Variants in SLC26A3 observed in about 807,000 individuals in gnomAD.
SLC26A3 encodes chloride anion exchanger.
A neutral mutation model predicts 85.6 loss-of-function variants in SLC26A3; 64 were observed. The observed-to-expected ratio is 0.75, with a 90% CI of 0.61 to 0.92. The LOEUF (loss-of-function observed/expected upper bound fraction) is 0.92, where lower values mean the gene tolerates loss of function less well. Ranked by LOEUF, SLC26A3 falls within the 40% of genes least tolerant of loss-of-function variation. The pLI, the probability that SLC26A3 is intolerant of heterozygous loss-of-function variation, is 0.00. For synonymous variants in SLC26A3, 349 were observed against 336.0 expected (o/e 1.04, Z -0.42); for missense variants, 922 against 927.3 (o/e 0.99, Z 0.07).
At chr7:107,767,973 G>A (rs1793944649) in intron 18 of SLC26A3, 65 bp from the exon 19 acceptor site, 4 of 1,494,970 alleles carry the variant, frequency 2.7e-6, no homozygotes, top group Non-Finnish European at 3.7e-6. Flanking sequence ...TTCCCCTTGA[G>A]GCTAGTAATT....
At chr7:107,789,433 C>A in intron 6 of SLC26A3, 91 bp downstream of exon 6, 2 of 1,310,396 alleles carry the variant, frequency 1.5e-6, no homozygotes, top group Non-Finnish European at 2.2e-6. Flanking sequence ...GTAGGTAAAC[C>A]CCATGGCAAA....
intron 5 of SLC26A3, 59 bp from the exon 6 acceptor site, chr7:107,789,747 A>C: frequency 3.3e-6 from 5 of 1,515,444 alleles, no homozygotes; most frequent in Non-Finnish European, 4.5e-6. Context: ...CAGCAAACTC[A>C]AGGATCCGCA....
At chr7:107,793,023 T>C (rs1794428517) in intron 3 of SLC26A3, among the ~76,000 whole-genome samples, 1 of 152,088 alleles carries the variant, frequency 6.6e-6, no homozygotes, top group Admixed American at 6.5e-5. Context: ...GAAATGCAAA[T>C]GCAAACCACA....
chr7:107,790,932 A>G (rs190072454), intron 5 of SLC26A3, 116 bp downstream of exon 5: 5 of 1,088,786 alleles, frequency 4.6e-6, no homozygotes, highest in Non-Finnish European at 5.5e-6. Context: ...GCCATGAGGG[A>G]GAGACAAACC....
chr7:107,791,952 C>A lies in SLC26A3; in HGVS notation c.272-12G>T, dbSNP rs1387511490. ...AGCAAATGCTAAACCTGTAAACACA[C>A]AAGCAGCAGAGCCCTTACTCTGTGC... On this transcript the variant is annotated splice_polypyrimidine_tract_variant and intron_variant, in intron 3 of 20. Coordinates refer to ENST00000340010, the MANE Select transcript of SLC26A3 (RefSeq NM_000111.3). 1 of 1,489,502 alleles carries A rather than the reference C, an allele frequency of 6.7e-7. No homozygotes were observed. Among genetic ancestry groups the A allele is most frequent in the Non-Finnish European group, 9.4e-7 (1 of 1,067,004 alleles). 92.3% of individuals were successfully genotyped at this position (1,489,502 alleles called of 1,614,324 possible). A position where few individuals can be genotyped will look rare whatever the true frequency, so the allele number is the denominator to read the frequency against.
chr7:107,792,042 T>C (rs1794412440), intron 3 of SLC26A3, 102 bp from the exon 4 acceptor site: 1 of 720,560 alleles, frequency 1.4e-6, no homozygotes, highest in Admixed American at 2.1e-5. Flanking sequence ...TAAAAATAAG[T>C]TACCTCATTA....
chr7:107,802,562 C>T (rs1358940372), intron 1 of SLC26A3, among the ~76,000 whole-genome samples: 3 of 151,770 alleles, frequency 2.0e-5, no homozygotes, highest in African/African-American at 7.3e-5. Context: ...GAGACAAGGT[C>T]TTGCCATGTT....
intron 15 of SLC26A3, 53 bp from the exon 16 acceptor site, chr7:107,774,925 T>C: frequency 5.3e-6 from 7 of 1,317,546 alleles, no homozygotes; most frequent in Non-Finnish European, 7.7e-6. Context: ...GTTATTTATA[T>C]AGCATAGTTC....
At chr7:107,776,800 C>T (rs1230475757) in intron 13 of SLC26A3, 94 bp from the exon 14 acceptor site, 1 of 1,090,302 alleles carries the variant, frequency 9.2e-7, no homozygotes, top group African/African-American at 1.6e-5. Flanking sequence ...AAAGCAGGCT[C>T]ACTTTTCAAA....
rs764996327 is a variant in SLC26A3 at position 107,782,993 on chromosome 7, C to A, written c.1220G>T (p.Gly407Val). ...ATCTTGACATACCTGTGTTTTGCCT[C>A]CTGTGCTCTCCTGAACTGCTGATCT... Reference protein sequence around the residue: ...LSRSAVQESTGGKTQIAGLIG... With the variant: ...LSRSAVQESTVGKTQIAGLIG... The change falls in exon 10 of 21, where the codon GGA (glycine) becomes GTA (valine). Residue 407 changes from glycine (G) to valine (V), a missense_variant. Physicochemically the swap from Gly to Val is moderately radical, Grantham distance 109. Coordinates refer to ENST00000340010, the MANE Select transcript of SLC26A3 (RefSeq NM_000111.3). 6.2e-7 allele frequency: 1 copy of A among 1,614,148 alleles called. No individual in the cohort carries two copies. Among genetic ancestry groups the A allele is most frequent in the Non-Finnish European group, 8.5e-7 (1 of 1,179,988 alleles).
intron 8 of SLC26A3, among the ~76,000 whole-genome samples, chr7:107,784,457 G>GT (rs958212791): frequency 6.6e-6 from 1 of 152,012 alleles, no homozygotes; most frequent in South Asian, 2.1e-4. Context: ...CTTGTTCTCT[G>GT]TTTTTTTGAG....
chr7:107,766,504 A>T (rs1793917856), intron 20 of SLC26A3, among the ~76,000 whole-genome samples: 2 of 152,074 alleles, frequency 1.3e-5, no homozygotes, highest in African/African-American at 4.8e-5. Context: ...CATGGTGCTT[A>T]TGTACATTCG....
rs548807004 is a variant in SLC26A3 at position 107,794,529 on chromosome 7, G to C, written c.-20C>G. 6 of 1,613,812 alleles carry C rather than the reference G, an allele frequency of 3.7e-6. No homozygotes were observed. The African/African-American group carries it at 5.3e-5, about 14-fold the overall frequency. Reference sequence around the variant, plus strand: ...AATCATTTTGATTTTTCTGTTGGCTGTGGCAAGTTGAAGACCTTTGCAACT... The same window carrying C: ...AATCATTTTGATTTTTCTGTTGGCTCTGGCAAGTTGAAGACCTTTGCAACT... On this transcript the variant is annotated 5_prime_UTR_variant, in exon 2 of 21. Coordinates refer to ENST00000340010, the MANE Select transcript of SLC26A3 (RefSeq NM_000111.3).
In SLC26A3 at chr7:107,782,347, C is replaced by G. The variant is rs533642481; in HGVS notation, c.1311+450G>C. Among the ~76,000 whole-genome samples the G allele has an allele frequency of 5.8e-4, 88 of 152,286 alleles. 1 individual carries two copies. The highest frequency in any genetic ancestry group is 2.0e-3 in the African/African-American group (83 of 41,556). ...TGGCTGTTCACTCCCATCCCACAAT[C>G]CAACAGTGTTGGTCTTGGAGTTAAA... On this transcript the variant is annotated intron_variant, in intron 11 of 20. Coordinates refer to ENST00000340010, the MANE Select transcript of SLC26A3 (RefSeq NM_000111.3).
At chr7:107,799,973 G>C (rs1324164092) in intron 1 of SLC26A3, among the ~76,000 whole-genome samples, 1 of 152,170 alleles carries the variant, frequency 6.6e-6, no homozygotes, top group Non-Finnish European at 1.5e-5. Context: ...ATCCCAGTTT[G>C]TTTTAACATA....
At chr7:107,783,533 A>G (rs1337990703) in intron 8 of SLC26A3, among the ~76,000 whole-genome samples, 181 bp from the exon 9 acceptor site, 1 of 152,258 alleles carries the variant, frequency 6.6e-6, no homozygotes, top group Non-Finnish European at 1.5e-5. Context: ...CTGAAAAGCA[A>G]CACTGCCTGA....
chr7:107,767,852 A>T lies in SLC26A3; in HGVS notation c.2119T>A (p.Ser707Thr), dbSNP rs759250775. 4 of 1,613,532 alleles carry T rather than the reference A, an allele frequency of 2.5e-6. No individual in the cohort carries two copies. In the Admixed American group the frequency reaches 6.7e-5, roughly 27 times the overall value. ...YEFFDGEVKS[S>T]IFFLTIHDAV... ...TCATGGATTGTTAAGAAAAATATTG[A>T]GCTTTTCACTTCACCATCAAAAAAT... is the stretch of plus-strand genomic sequence containing the variant. Residue 707 changes from serine (S) to threonine (T), a missense_variant, in exon 19 of 21, where the codon TCA (serine) becomes ACA (threonine). Transcript: ENST00000340010.
intron 11 of SLC26A3, 36 bp from the exon 12 acceptor site, chr7:107,779,799 T>C: frequency 6.4e-7 from 1 of 1,554,608 alleles, no homozygotes; most frequent in Non-Finnish European, 8.9e-7. Context: ...TACTTTAAGT[T>C]AATGAAATAA....
rs1794606883 is a variant in SLC26A3 at position 107,801,983 on chromosome 7, T to C, written c.-89+1128A>G. On this transcript the variant is annotated intron_variant, in intron 1 of 20. Coordinates refer to ENST00000340010, the MANE Select transcript of SLC26A3 (RefSeq NM_000111.3). ...GGAGCGTGCCTGTAGTATCAGCTAC[T>C]TGGGGGGCTGAGGCAGGATAATCAC... Among the ~76,000 whole-genome samples, 6 of 150,606 alleles carry C rather than the reference T, an allele frequency of 4.0e-5. No homozygotes were observed. The South Asian group carries it at 1.1e-3, about 26-fold the overall frequency.
Sources: gnomAD v4.1 joint callset for allele counts (sites outside exome capture counted in the v4.1 genomes callset) on GRCh38, gnomAD v4.1.1 for gene constraint, MANE v1.5 for transcripts, NCBI Gene and HGNC (gene_info 2026-07-23, HGNC 2026-07-21) for gene names.